MARK4: variants seen among roughly 807,000 people sequenced by gnomAD.
MARK4 encodes the protein MAP/microtubule affinity-regulating kinase 4.
A neutral mutation model predicts 81.5 loss-of-function variants in MARK4; 19 were observed. The observed-to-expected ratio is 0.23, with a 90% CI of 0.16 to 0.34. The LOEUF (loss-of-function observed/expected upper bound fraction) is 0.34. Among genes scored for constraint, MARK4 ranks in the 10% least tolerant of loss-of-function variants. The pLI, the probability that MARK4 is intolerant of heterozygous loss-of-function variation, is 1.00. For synonymous variants in MARK4, 436 were observed against 439.0 expected (o/e 0.99, Z 0.08); for missense variants, 772 against 1,058.8 (o/e 0.73, Z 3.76).
rs775804180 is a variant in MARK4 at position 45,280,581 on chromosome 19, G to C, written c.1123G>C (p.Gly375Arg). ...ATCTGTCATCCTCTCGCAGGAGGGT[G>C]GGGACCGGGGCGCCCCAGGGCTGGC... is the stretch of plus-strand genomic sequence containing the variant. ...LLLGRKTEEG[G>R]DRGAPGLALA... is the part of the protein sequence containing the mutation. Residue 375 changes from glycine to arginine, a missense_variant, in exon 12 of 17, where the codon GGG becomes CGG. By Grantham distance (125) the Gly-to-Arg change is moderately radical. Transcript: ENST00000262891. 6.2e-7 allele frequency: 1 copy of C among 1,613,792 alleles called. No individual in the cohort carries two copies. Among genetic ancestry groups the C allele is most frequent in the Non-Finnish European group, 8.5e-7 (1 of 1,179,834 alleles).
At chr19:45,292,138 A>G (rs1970828003) in intron 13 of MARK4, among the ~76,000 whole-genome samples, 2 of 152,166 alleles carry the variant, frequency 1.3e-5, no homozygotes, top group African/African-American at 4.8e-5. Flanking sequence ...CAACATAGGA[A>G]CAGGAGAGTG....
At chr19:45,274,796 C>A (rs942515594) in intron 8 of MARK4, among the ~76,000 whole-genome samples, 1 of 152,208 alleles carries the variant, frequency 6.6e-6, no homozygotes, top group Non-Finnish European at 1.5e-5. Context: ...GCCCCAGGTC[C>A]TTGTCACTTT....
At chr19:45,287,114 G>A (rs1437609977) in intron 12 of MARK4, among the ~76,000 whole-genome samples, 2 of 149,318 alleles carry the variant, frequency 1.3e-5, no homozygotes, top group Non-Finnish European at 3.0e-5. Context: ...TGAGGCAGGA[G>A]AATTGCTTGA....
chr19:45,279,558 C>T (rs546734342), intron 10 of MARK4, among the ~76,000 whole-genome samples: 5 of 152,138 alleles, frequency 3.3e-5, no homozygotes, highest in Admixed American at 1.3e-4. Flanking sequence ...TGGCAAAAAC[C>T]GGAATTACTT....
intron 14 of MARK4, among the ~76,000 whole-genome samples, chr19:45,297,066 AAATT>A (rs1218973608): frequency 2.6e-5 from 4 of 151,656 alleles, no homozygotes; most frequent in African/African-American, 9.7e-5. Flanking sequence ...AAAAAAAAAA[AAATT>A]AGCCAGGCAT....
At chr19:45,266,057 A>G (rs1320122561) in intron 6 of MARK4, among the ~76,000 whole-genome samples, 168 bp from the exon 7 acceptor site, 1 of 151,944 alleles carries the variant, frequency 6.6e-6, no homozygotes, top group Non-Finnish European at 1.5e-5. Context: ...GTGTCTGCCC[A>G]GGTTCCACGG....
intron 13 of MARK4, 49 bp from the exon 14 acceptor site, chr19:45,294,299 AG>A (rs1448395482): frequency 6.4e-7 from 1 of 1,551,802 alleles, no homozygotes. Flanking sequence ...GGAGAAGCTC[AG>A]GGGCATGTCT....
chr19:45,269,153 C>T (rs1308311040), intron 7 of MARK4, among the ~76,000 whole-genome samples: 1 of 152,050 alleles, frequency 6.6e-6, no homozygotes, highest in Non-Finnish European at 1.5e-5. Context: ...CCGAGGTGGG[C>T]GGATCACCTG....
chr19:45,259,216 G>A (rs1970349498), intron 2 of MARK4, 27 bp downstream of exon 2: 1 of 1,610,658 alleles, frequency 6.2e-7, no homozygotes, highest in Non-Finnish European at 8.5e-7. Context: ...GGTGGGGCTC[G>A]GGGCAGGTCC....
intron 16 of MARK4, among the ~76,000 whole-genome samples, chr19:45,300,955 T>C (rs1269842489): frequency 6.6e-6 from 1 of 152,006 alleles, no homozygotes; most frequent in Non-Finnish European, 1.5e-5. Flanking sequence ...CAAGGGAGGC[T>C]AGTCCTGGGA....
intron 13 of MARK4, among the ~76,000 whole-genome samples, chr19:45,292,615 GC>G (rs1160001634): frequency 4.6e-5 from 7 of 151,868 alleles, no homozygotes; most frequent in Non-Finnish European, 7.4e-5. Flanking sequence ...GGTGGCTCAT[GC>G]CTGTAATCCC....
chr19:45,279,143 T>C (rs1179789768), intron 10 of MARK4, among the ~76,000 whole-genome samples: 2 of 152,088 alleles, frequency 1.3e-5, no homozygotes, highest in Non-Finnish European at 2.9e-5. Flanking sequence ...GAGGATCCCT[T>C]GAGCCCAACA....
chr19:45,267,998 G>A (rs562683557), intron 7 of MARK4, among the ~76,000 whole-genome samples: 16 of 152,156 alleles, frequency 1.1e-4, no homozygotes, highest in South Asian at 6.2e-4. Flanking sequence ...GTTTCACCAC[G>A]TTGGCCAGGC....
chr19:45,295,045 G>T (rs774545447), intron 14 of MARK4, among the ~76,000 whole-genome samples: 1 of 152,042 alleles, frequency 6.6e-6, no homozygotes, highest in African/African-American at 2.4e-5. Flanking sequence ...CAGAGGAATG[G>T]GGTAGTTAAC....
rs150307269 is a variant in MARK4 at position 45,272,364 on chromosome 19, G to A, written c.786+656G>A. Reference sequence around the variant, plus strand: ...AAATTAAAAAACAAACCCTGCCCTCGTATATGCTACGCTGTGGGTGAACCT... The same window carrying A: ...AAATTAAAAAACAAACCCTGCCCTCATATATGCTACGCTGTGGGTGAACCT... On this transcript the variant is annotated intron_variant, in intron 8 of 16. Coordinates refer to ENST00000262891, the MANE Select transcript of MARK4 (RefSeq NM_001199867.2). Among the ~76,000 whole-genome samples the A allele has an allele frequency of 9.1e-3, 1,382 of 152,124 alleles. 57 individuals are homozygous for A. The highest frequency in any genetic ancestry group is 0.075 in the Admixed American group (1,147 of 15,262).
At chr19:45,294,493 G>C (rs527640359) in intron 14 of MARK4, 41 bp downstream of exon 14, 14 of 1,565,090 alleles carry the variant, frequency 8.9e-6, no homozygotes, top group East Asian at 2.2e-5. Flanking sequence ...TGGGAAGTAG[G>C]GGGTAGGTGA....
At chr19:45,263,741 CAA>C (rs1294501274) in intron 4 of MARK4, among the ~76,000 whole-genome samples, 28 of 78,452 alleles carry the variant, frequency 3.6e-4, no homozygotes, top group Admixed American at 5.5e-4. Flanking sequence ...GACTTCATCT[CAA>C]AAAAAAAAAA....
chr19:45,297,048 CAAAAAA>C (rs35511511), intron 14 of MARK4, among the ~76,000 whole-genome samples: 2 of 90,582 alleles, frequency 2.2e-5, no homozygotes, highest in Non-Finnish European at 4.6e-5. Context: ...GACTCTGTCT[CAAAAAA>C]AAAAAAAAAA....
chr19:45,271,637 A>G lies in MARK4; in HGVS notation c.715A>G (p.Ile239Val). 6.2e-7 allele frequency: 1 copy of G among 1,614,212 alleles called. No individual in the cohort carries two copies. Among genetic ancestry groups the G allele is most frequent in the Non-Finnish European group, 8.5e-7 (1 of 1,180,032 alleles). The change falls in exon 8 of 17, where the codon ATC (isoleucine) becomes GTC (valine). Residue 239 changes from isoleucine to valine, a missense_variant. Around this residue, in one of 3 missense-constraint regions of MARK4, gnomAD observed 109 missense variants for 294.7 expected, o/e 0.37. Coordinates refer to ENST00000262891, the MANE Select transcript of MARK4 (RefSeq NM_001199867.2). The surrounding 1 kb of genome is among the most constrained non-coding windows in gnomAD (Gnocchi z 4.1). The part of the protein sequence containing the change: ...GKKYDGPEVD[I>V]WSLGVILYTL... The stretch of plus-strand genomic sequence containing the variant: ...GAAGTACGACGGGCCGGAGGTGGAC[A>G]TCTGGAGCCTGGGAGTCATCCTGTA...
Sources: allele counts gnomAD v4.1 joint callset (sites outside exome capture counted in the v4.1 genomes callset), GRCh38; gene constraint gnomAD v4.1.1; regional missense constraint gnomAD v4.1.1; non-coding constraint Gnocchi (gnomAD v3.1); transcripts MANE v1.5; gene names NCBI Gene and HGNC (gene_info 2026-07-23, HGNC 2026-07-21).